The following FMN2 variants were observed in gnomAD, a reference collection of about 807,000 sequenced individuals.
FMN2 encodes the protein formin-2.
FMN2 carries 51 observed loss-of-function variants against 142.3 expected under a neutral mutation model. The ratio of observed to expected loss-of-function variants is 0.36; its 90% CI spans 0.29 to 0.45. The LOEUF is 0.45. Among genes scored for constraint, FMN2 ranks in the 20% least tolerant of loss-of-function variants. The pLI, the probability that FMN2 is intolerant of heterozygous loss-of-function variation, is 1.00. For synonymous variants in FMN2, 882 were observed against 869.8 expected (o/e 1.01, Z -0.25); for missense variants, 1,936 against 2,122.8 (o/e 0.91, Z 1.73).
In FMN2 at chr1:240,333,873, G is replaced by A; in HGVS notation, c.4585-14G>A. The stretch of plus-strand genomic sequence containing the variant: ...AAAAAATATATTGTCACTGACTTTG[G>A]TCTTTCTGCCTAGGACAATAGCAGA... On this transcript the variant is annotated splice_polypyrimidine_tract_variant and intron_variant, in intron 11 of 17. Transcript: ENST00000319653. 6.3e-7 allele frequency: 1 copy of A among 1,576,946 alleles called. No homozygotes were observed. Among genetic ancestry groups the A allele is most frequent in the Non-Finnish European group, 8.6e-7 (1 of 1,165,462 alleles).
At chr1:240,339,871 CTGG>C (rs1671690631) in intron 13 of FMN2, among the ~76,000 whole-genome samples, 1 of 151,654 alleles carries the variant, frequency 6.6e-6, no homozygotes, top group South Asian at 2.1e-4. Context: ...TATTTTCTTT[CTGG>C]TTGTCTATTT....
chr1:240,112,135 CT>C (rs869282410), intron 1 of FMN2, among the ~76,000 whole-genome samples: 3,981 of 138,500 alleles, frequency 0.029, 76 homozygotes, highest in African/African-American at 0.083. Context: ...CCTGCATTTT[CT>C]TTTTTTTTTT....
intron 4 of FMN2, among the ~76,000 whole-genome samples, chr1:240,199,155 T>C (rs1558354742): frequency 6.6e-6 from 1 of 152,180 alleles, no homozygotes; most frequent in South Asian, 2.1e-4. Flanking sequence ...TTTATATGCT[T>C]CTGTGAAGAA....
chr1:240,350,654 T>TTAC (rs1327916731), intron 13 of FMN2, among the ~76,000 whole-genome samples: 1 of 152,220 alleles, frequency 6.6e-6, no homozygotes, highest in African/African-American at 2.4e-5. Flanking sequence ...ACAGAGCTAA[T>TTAC]AGAAGAACTG....
At chr1:240,181,302 C>G (rs1665140962) in intron 3 of FMN2, among the ~76,000 whole-genome samples, 1 of 152,226 alleles carries the variant, frequency 6.6e-6, no homozygotes, top group Non-Finnish European at 1.5e-5. Context: ...CTGCACTGGG[C>G]CTTTTTTCCA....
intron 8 of FMN2, among the ~76,000 whole-genome samples, chr1:240,324,086 G>A (rs1254494869): frequency 1.3e-5 from 2 of 152,100 alleles, no homozygotes; most frequent in Non-Finnish European, 2.9e-5. Context: ...GCTAGCCCTT[G>A]TTTTCCCCCT....
intron 15 of FMN2, among the ~76,000 whole-genome samples, chr1:240,437,195 C>G (rs1277561793): frequency 6.6e-6 from 1 of 151,960 alleles, no homozygotes; most frequent in African/African-American, 2.4e-5. Context: ...GAAAACTGGC[C>G]CTGAGCAATC....
rs536923311 is a variant in FMN2 at position 240,168,456 on chromosome 1, G to C, written c.1783-9465G>C. Among the ~76,000 whole-genome samples the C allele has an allele frequency of 3.4e-4, 51 of 152,166 alleles. No individual in the cohort carries two copies. The South Asian group carries it at 1.0e-2, about 30-fold the overall frequency. On this transcript the variant is annotated intron_variant, in intron 2 of 17. Coordinates refer to ENST00000319653, the MANE Select transcript of FMN2 (RefSeq NM_020066.5). ...AAAAACAAAAAAGCTAGGCATCATG[G>C]TACTCACCTGTAGTCCTGGCCACTT...
chr1:240,465,648 G>A (rs1383557422), intron 16 of FMN2, among the ~76,000 whole-genome samples: 2 of 152,120 alleles, frequency 1.3e-5, no homozygotes, highest in East Asian at 1.9e-4. Context: ...CCAGCAAGCC[G>A]AGCTGCAGCC....
chr1:240,199,574 C>T (rs116446759), intron 4 of FMN2, among the ~76,000 whole-genome samples: 241 of 152,110 alleles, frequency 1.6e-3, no homozygotes, highest in African/African-American at 5.2e-3. Context: ...TTATGTGATA[C>T]GCAAGTGTTC....
chr1:240,094,527 C>T (rs533835579), intron 1 of FMN2, among the ~76,000 whole-genome samples: 1 of 152,206 alleles, frequency 6.6e-6, no homozygotes, highest in South Asian at 2.1e-4. Flanking sequence ...AAAGCACAGC[C>T]AGAGTATGTT....
At chr1:240,334,308 G>T in intron 13 of FMN2, 79 bp downstream of exon 13, 1 of 1,413,540 alleles carries the variant, frequency 7.1e-7, no homozygotes, top group Non-Finnish European at 9.3e-7. Context: ...TGTTTTTAGA[G>T]AAAAGTAATC....
At chr1:240,156,571 T>C (rs1429049728) in intron 2 of FMN2, among the ~76,000 whole-genome samples, 1 of 152,204 alleles carries the variant, frequency 6.6e-6, no homozygotes, top group Non-Finnish European at 1.5e-5. Flanking sequence ...TGAAATAGAC[T>C]GTGCACTTGC....
At chr1:240,249,605 A>G (rs1239499405) in intron 6 of FMN2, among the ~76,000 whole-genome samples, 4 of 152,118 alleles carry the variant, frequency 2.6e-5, no homozygotes, top group Non-Finnish European at 2.9e-5. Flanking sequence ...TTTTGGCTCC[A>G]TAAGAATTTT....
At chr1:240,400,165 G>T (rs1293920647) in intron 15 of FMN2, among the ~76,000 whole-genome samples, 1 of 152,104 alleles carries the variant, frequency 6.6e-6, no homozygotes, top group Non-Finnish European at 1.5e-5. Context: ...GATCCTTTTG[G>T]GATCATAATC....
chr1:240,396,229 T>C (rs1004156764), intron 15 of FMN2, among the ~76,000 whole-genome samples: 2 of 152,176 alleles, frequency 1.3e-5, no homozygotes, highest in African/African-American at 4.8e-5. Context: ...AGAAAATTCG[T>C]GTAACTCTAT....
At chr1:240,474,053 T>A in intron 17 of FMN2, 75 bp from the exon 18 acceptor site, 1 of 1,310,298 alleles carries the variant, frequency 7.6e-7, no homozygotes, top group Non-Finnish European at 1.0e-6. Flanking sequence ...AGGTCTTTTT[T>A]AGGCTACTCT....
intron 2 of FMN2, among the ~76,000 whole-genome samples, chr1:240,167,743 T>C (rs1386706247): frequency 6.6e-6 from 1 of 152,172 alleles, no homozygotes; most frequent in Admixed American, 6.5e-5. Context: ...TATAAAACCA[T>C]GTGCACTATG....
At chr1:240,263,985 T>C (rs1668713804) in intron 7 of FMN2, among the ~76,000 whole-genome samples, 1 of 152,180 alleles carries the variant, frequency 6.6e-6, no homozygotes, top group Non-Finnish European at 1.5e-5. Context: ...AATGAGATAA[T>C]AATGTAAACT....
Sources: gnomAD v4.1 joint callset for allele counts (sites outside exome capture counted in the v4.1 genomes callset) on GRCh38, gnomAD v4.1.1 for gene constraint, MANE v1.5 for transcripts, NCBI Gene and HGNC (gene_info 2026-07-23, HGNC 2026-07-21) for gene names.